The following CHD9 variants were observed in gnomAD, a reference collection of about 807,000 sequenced individuals.
The protein encoded by CHD9 is ATP-dependent chromatin remodeler CHD9.
In CHD9, 77 loss-of-function variants were observed where a neutral mutation model predicts 316.1. The ratio of observed to expected loss-of-function variants is 0.24; its 90% CI spans 0.20 to 0.29. The LOEUF is 0.29. Ranked by LOEUF, CHD9 falls within the 10% of genes least tolerant of loss-of-function variation. The probability of loss-of-function intolerance (pLI) is 1.00; values close to 1 mark genes in which losing one functional copy is unlikely to be tolerated. For missense variants in CHD9, 2,763 were observed against 3,438.1 expected, an observed-to-expected ratio of 0.80 and a Z score of 4.91; for synonymous variants, 1,129 against 1,158.3, an observed-to-expected ratio of 0.97 and a Z score of 0.51.
chr16:53,231,635 A>T lies in CHD9; in HGVS notation c.2374-12A>T, dbSNP rs750736882. 3 of 1,553,044 alleles carry T rather than the reference A, an allele frequency of 1.9e-6. No homozygotes were observed. The highest frequency in any genetic ancestry group is 2.6e-6 in the Non-Finnish European group (3 of 1,147,932). On this transcript the variant is annotated splice_polypyrimidine_tract_variant and intron_variant, in intron 9 of 38. Transcript: ENST00000447540. ...CTTTTTCAAAATGGTAAATGAAAAA[A>T]TTTTTTTACAGCCTGTTATTTACTA... is the stretch of plus-strand genomic sequence containing the variant.
chr16:53,306,807 TCTCA>T (rs1280692649), intron 32 of CHD9, among the ~76,000 whole-genome samples: 2 of 151,820 alleles, frequency 1.3e-5, no homozygotes, highest in African/African-American at 4.8e-5. Context: ...TTTTTTTGAG[TCTCA>T]CTCTGTCGCC....
intron 2 of CHD9, among the ~76,000 whole-genome samples, chr16:53,194,167 G>A (rs1450838346): frequency 6.6e-6 from 1 of 151,732 alleles, no homozygotes; most frequent in Non-Finnish European, 1.5e-5. Context: ...GTTCCAGTGA[G>A]ATGAGCTGTG....
At position 53,171,861 on chromosome 16, in the gene CHD9, GACACACACACACACAC is replaced by G. The variant is rs750572537; in HGVS notation, c.1452+14346_1452+14361del. Among the ~76,000 whole-genome samples, 515 of 124,946 alleles carry G rather than the reference GACACACACACACACAC, an allele frequency of 4.1e-3. 2 individuals are homozygous for G. Among genetic ancestry groups the G allele is most frequent in the African/African-American group, 5.7e-3 (201 of 35,516 alleles). 82.0% of individuals were successfully genotyped at this position (124,946 alleles called of 152,430 possible). On this transcript the variant is annotated intron_variant, in intron 2 of 38. Transcript: ENST00000447540. ...ACACACACACACACACACACACACA[GACACACACACACACAC>G]ACACACACACACACACACACACACA...
In CHD9 at chr16:53,287,977, A is replaced by T. The variant is rs190545426; in HGVS notation, c.5210A>T (p.Tyr1737Phe). The change falls in exon 27 of 39, where the codon TAC becomes TTC. Residue 1737 changes from tyrosine (Y) to phenylalanine (F), a missense_variant. Transcript: ENST00000447540. ...AACAGGGATGTGGAAGATCCAGAAT[A>T]CAAACCTGCCCCAGCCATCTTTAAA... ...YMDGDVEDPE[Y>F]KPAPAIFKDD... 1.4e-5 allele frequency: 23 copies of T among 1,611,538 alleles called. No homozygotes were observed. In the African/African-American group the frequency reaches 3.1e-4, roughly 21 times the overall value.
rs2152940752 is a variant in CHD9, at chr16:53,238,483, G to C, written c.2774G>C (p.Arg925Thr). 6.2e-7 allele frequency: 1 copy of C among 1,613,440 alleles called. No homozygotes were observed. The highest frequency in any genetic ancestry group is 8.5e-7 in the Non-Finnish European group (1 of 1,179,588). ...CTTTCTACTATTGCAAACTGGGAGA[G>C]AGAATTTCGTACGTGGACTGATATT... ...APLSTIANWE[R>T]EFRTWTDINV... The change falls in exon 12 of 39, where the codon AGA (arginine) becomes ACA (threonine). Residue 925 changes from arginine (R) to threonine (T), a missense_variant. Physicochemically the swap from Arg to Thr is moderately conservative, Grantham distance 71. This residue lies in a region of CHD9 where 186 missense variants were observed against 245.0 expected (regional missense o/e 0.76). Coordinates refer to ENST00000447540, the MANE Select transcript of CHD9 (RefSeq NM_001308319.2).
At chr16:53,256,381 CTTTTT>C (rs1163977563) in intron 19 of CHD9, among the ~76,000 whole-genome samples, 4 of 99,260 alleles carry the variant, frequency 4.0e-5, no homozygotes, top group East Asian at 2.8e-4. Context: ...TTTTTCTTTT[CTTTTT>C]TTTTTTTTTT....
At position 53,109,677 on chromosome 16, in the gene CHD9, C is replaced by CTTTTTTTTTTT. The variant is rs1166073629; in HGVS notation, c.-164-46234_-164-46224dup. Among the ~76,000 whole-genome samples, 62 of 71,604 alleles carry CTTTTTTTTTTT rather than the reference C, an allele frequency of 8.7e-4. 4 individuals carry two copies. Among genetic ancestry groups the CTTTTTTTTTTT allele is most frequent in the African/African-American group, 1.0e-3 (17 of 16,994 alleles). 47.0% of individuals were successfully genotyped at this position (71,604 alleles called of 152,430 possible). A position where few individuals can be genotyped will look rare whatever the true frequency, so the allele number is the denominator to read the frequency against. On this transcript the variant is annotated intron_variant, in intron 1 of 38. Transcript: ENST00000447540. Reference sequence around the variant, plus strand: ...GCCTAAAAATTTGGATTCCCAGTTTCTTTTTTTTTTTTTTTTTTTTTTTTT... The same window carrying CTTTTTTTTTTT: ...GCCTAAAAATTTGGATTCCCAGTTTCTTTTTTTTTTTTTTTTTTTTTTTTTTTTTTTTTTTT...
rs375600512 is a variant in CHD9 at position 53,246,542 on chromosome 16, TAC to T, written c.3454+694_3454+695del. Among the ~76,000 whole-genome samples the T allele has an allele frequency of 4.4e-4, 67 of 152,210 alleles. 1 individual carries two copies. Among genetic ancestry groups the T allele is most frequent in the Admixed American group, 7.2e-4 (11 of 15,286 alleles). On this transcript the variant is annotated intron_variant, in intron 15 of 38. Coordinates refer to ENST00000447540, the MANE Select transcript of CHD9 (RefSeq NM_001308319.2). Reference sequence around the variant, plus strand: ...GTTTGTTTTTGTTTTTGTTTTAAGATACAGTGTCATTCTATCACCCAGGCTGG... The same window carrying T: ...GTTTGTTTTTGTTTTTGTTTTAAGATAGTGTCATTCTATCACCCAGGCTGG...
Position 53,306,377 on chromosome 16 carries a change from G to A in CHD9, c.6760G>A (p.Ala2254Thr). 2 of 1,593,688 alleles carry A rather than the reference G, an allele frequency of 1.3e-6. No individual in the cohort carries two copies. The highest frequency in any genetic ancestry group is 1.4e-5 in the African/African-American group (1 of 73,656). Residue 2254 changes from alanine (A) to threonine (T), a missense_variant, in exon 32 of 39, where the codon GCA (alanine) becomes ACA (threonine). Transcript: ENST00000447540. Reference sequence around the variant, plus strand: ...TATCTTACAAGGTGGATATATGCTGGCAGCCTCGTATTGGCCAAAGGTAAA... The same window carrying A: ...TATCTTACAAGGTGGATATATGCTGACAGCCTCGTATTGGCCAAAGGTAAA... The part of the protein sequence containing the change: ...AYILQGGYML[A>T]ASYWPKDRVM...
chr16:53,169,618 TTATTTC>T (rs1326805690), intron 2 of CHD9, among the ~76,000 whole-genome samples: 2 of 152,194 alleles, frequency 1.3e-5, no homozygotes, highest in Non-Finnish European at 2.9e-5. Flanking sequence ...CTTACTATTT[TTATTTC>T]TAATTTTTCT....
intron 19 of CHD9, among the ~76,000 whole-genome samples, chr16:53,256,726 T>G (rs2050642650): frequency 2.0e-5 from 3 of 151,996 alleles, no homozygotes; most frequent in Non-Finnish European, 4.4e-5. Flanking sequence ...TGGAGTATTC[T>G]GTCTCACCTG....
chr16:53,222,672 CA>C lies in CHD9; in HGVS notation c.1819del (p.Arg607GlufsTer20), dbSNP rs1567508944. 6.4e-7 allele frequency: 1 copy of C among 1,562,570 alleles called. No individual in the cohort carries two copies. Among genetic ancestry groups the C allele is most frequent in the Non-Finnish European group, 8.7e-7 (1 of 1,143,674 alleles). On this transcript the variant is annotated frameshift_variant, in exon 4 of 39. Coordinates refer to ENST00000447540, the MANE Select transcript of CHD9 (RefSeq NM_001308319.2). LOFTEE classifies it high-confidence loss of function. ...GKLIITLGKK[Q>X]KRKNESSDEI... Reference sequence around the variant, plus strand: ...ACTCATTATTACATTGGGTAAGAAACAAAAAAGAAAGAATGAGTCTTCAGAT... The same window carrying C: ...ACTCATTATTACATTGGGTAAGAAACAAAAAGAAAGAATGAGTCTTCAGAT...
intron 19 of CHD9, among the ~76,000 whole-genome samples, chr16:53,261,616 ATCC>A (rs944560758): frequency 6.6e-6 from 1 of 152,002 alleles, no homozygotes; most frequent in African/African-American, 2.4e-5. Context: ...GGCTCAAGTA[ATCC>A]TCCTGCCTTG....
chr16:53,106,412 AG>A (rs2037353405), intron 1 of CHD9, among the ~76,000 whole-genome samples: 1 of 152,220 alleles, frequency 6.6e-6, no homozygotes, highest in African/African-American at 2.4e-5. Flanking sequence ...GCATAGTAAA[AG>A]GTATAAACAC....
chr16:53,091,004 C>CA (rs952410395), intron 1 of CHD9, among the ~76,000 whole-genome samples: 2 of 145,006 alleles, frequency 1.4e-5, no homozygotes, highest in Non-Finnish European at 1.5e-5. Context: ...ACAGCTCACC[C>CA]CCCCCCGACT....
Position 53,305,422 on chromosome 16 carries a change from G to C in CHD9, c.6619+797G>C, listed in dbSNP as rs77307826. ...GAAAGCACTATTGGGAAGAAAACTA[G>C]TTACTGATACAAATTCCCTGTTTAA... On this transcript the variant is annotated intron_variant, in intron 31 of 38. Transcript: ENST00000447540. Among the ~76,000 whole-genome samples the C allele has an allele frequency of 1.2e-4, 19 of 152,304 alleles. No homozygotes were observed. The East Asian group carries it at 3.7e-3, about 29-fold the overall frequency.
chr16:53,097,388 C>T (rs4784293), intron 1 of CHD9, among the ~76,000 whole-genome samples: 49 of 49,768 alleles, frequency 9.8e-4, no homozygotes, highest in East Asian at 3.2e-3. Flanking sequence ...TCCTTCCTTC[C>T]TTCCTTCCTT....
At chr16:53,131,633 C>T (rs905734964) in intron 1 of CHD9, among the ~76,000 whole-genome samples, 4 of 151,934 alleles carry the variant, frequency 2.6e-5, no homozygotes, top group Non-Finnish European at 5.9e-5. Context: ...GGGCCCTCTT[C>T]CCCGTCCCGC....
chr16:53,195,248 G>A (rs1484063821), intron 2 of CHD9, among the ~76,000 whole-genome samples: 6 of 152,108 alleles, frequency 3.9e-5, no homozygotes, highest in Admixed American at 3.3e-4. Flanking sequence ...GTCATCAAGG[G>A]CAACCACCAT....
Sources: gnomAD v4.1 joint callset for allele counts (sites outside exome capture counted in the v4.1 genomes callset) on GRCh38, gnomAD v4.1.1 for gene constraint, gnomAD v4.1.1 regional missense constraint, MANE v1.5 for transcripts, NCBI Gene and HGNC (gene_info 2026-07-23, HGNC 2026-07-21) for gene names.